The following FAM47E variants were observed in gnomAD, a reference collection of about 807,000 sequenced individuals.
FAM47E encodes family with sequence similarity 47 member E.
Under a neutral mutation model 41.6 loss-of-function variants are expected in FAM47E, and 32 were observed. The observed-to-expected ratio is 0.77, with a 90% CI of 0.58 to 1.03. The LOEUF is 1.03. Ranked by LOEUF, FAM47E falls within the 50% of genes least tolerant of loss-of-function variation. The pLI is 0.00. For synonymous variants in FAM47E, 184 were observed against 188.7 expected, an observed-to-expected ratio of 0.98 and a Z score of 0.20; for missense variants, 424 against 485.4, an observed-to-expected ratio of 0.87 and a Z score of 1.19.
Position 76,278,198 on chromosome 4 carries a change from A to C in FAM47E, c.1000A>C (p.Asn334His). 6.5e-7 allele frequency: 1 copy of C among 1,541,850 alleles called. No individual in the cohort carries two copies. Among genetic ancestry groups the C allele is most frequent in the Non-Finnish European group, 8.7e-7 (1 of 1,144,660 alleles). The change falls in exon 6 of 8, where the codon AAT becomes CAT. Residue 334 changes from asparagine (N) to histidine (H), a missense_variant. Coordinates refer to ENST00000424749, the MANE Select transcript of FAM47E (RefSeq NM_001136570.3). ...GGTCTCACATAAGGCTCAAGAGGAGAATTTTAAAAAGGAGCTGCAGGAACA... is the reference window on the plus strand; with the variant it reads ...GGTCTCACATAAGGCTCAAGAGGAGCATTTTAAAAAGGAGCTGCAGGAACA... ...PEVSHKAQEE[N>H]FKKELQEQEE...
At chr4:76,241,589 C>A (rs754720278) in intron 2 of FAM47E, among the ~76,000 whole-genome samples, 7 of 152,092 alleles carry the variant, frequency 4.6e-5, no homozygotes, top group Non-Finnish European at 8.8e-5. Flanking sequence ...CTGAAATTCA[C>A]TGAAATTAAC....
At chr4:76,226,525 G>A (rs564311988) in intron 2 of FAM47E, among the ~76,000 whole-genome samples, 8 of 152,274 alleles carry the variant, frequency 5.3e-5, no homozygotes, top group African/African-American at 1.9e-4. Flanking sequence ...TTATGCCCTG[G>A]ATTTAGATTG....
rs761862662 is a variant in FAM47E, at chr4:76,271,613, A to G, written c.715A>G (p.Ile239Val). The G allele has an allele frequency of 3.9e-6, 6 of 1,552,206 alleles. No homozygotes were observed. Among genetic ancestry groups the G allele is most frequent in the East Asian group, 4.9e-5 (2 of 40,926 alleles). Residue 239 changes from isoleucine (I) to valine (V), a missense_variant, in exon 5 of 8, where the codon ATT (isoleucine) becomes GTT (valine). Physicochemically the swap from Ile to Val is conservative, Grantham distance 29 (BLOSUM62 3). Coordinates refer to ENST00000424749, the MANE Select transcript of FAM47E (RefSeq NM_001136570.3). ...DEEFILKQFD[I>V]DYETKPSHDA... ...AGAGTTCATCTTGAAACAGTTTGAC[A>G]TTGACTATGAGACCAAACCAAGCCA...
intron 4 of FAM47E, 36 bp from the exon 5 acceptor site, chr4:76,271,532 A>G (rs1734888526): frequency 6.5e-7 from 1 of 1,549,048 alleles, no homozygotes; most frequent in Non-Finnish European, 8.7e-7. Flanking sequence ...CATTTCACCG[A>G]TTGCCCTCAA....
At chr4:76,226,463 A>G (rs542355193) in intron 2 of FAM47E, among the ~76,000 whole-genome samples, 22 of 152,326 alleles carry the variant, frequency 1.4e-4, no homozygotes, top group African/African-American at 5.1e-4. Context: ...TCCAGAGGCT[A>G]AGAGGGGTTT....
At chr4:76,238,470 C>T (rs1733633838) in intron 2 of FAM47E, among the ~76,000 whole-genome samples, 1 of 152,152 alleles carries the variant, frequency 6.6e-6, no homozygotes, top group South Asian at 2.1e-4. Flanking sequence ...TTTGTTTCCT[C>T]ATACTACATT....
At chr4:76,276,037 G>GACAGACACACACACAC (rs1553957135) in intron 5 of FAM47E, among the ~76,000 whole-genome samples, 10 of 62,348 alleles carry the variant, frequency 1.6e-4, no homozygotes, top group Non-Finnish European at 2.8e-4. Flanking sequence ...CAGACAGACA[G>GACAGACACACACACAC]ACACACACAC....
intron 2 of FAM47E, among the ~76,000 whole-genome samples, chr4:76,224,913 C>T (rs1399089697): frequency 6.6e-6 from 1 of 152,010 alleles, no homozygotes; most frequent in East Asian, 1.9e-4. Context: ...TCCTACCCTT[C>T]CCCCCAAGTC....
Position 76,256,518 on chromosome 4 carries a change from A to G in FAM47E, c.415A>G (p.Ile139Val), listed in dbSNP as rs1005224775. 7.1e-6 allele frequency: 11 copies of G among 1,548,004 alleles called. No individual in the cohort carries two copies. Among genetic ancestry groups the G allele is most frequent in the African/African-American group, 2.7e-5 (2 of 72,912 alleles). Residue 139 changes from isoleucine to valine, a missense_variant, in exon 2 of 8, where the codon ATA becomes GTA. Coordinates refer to ENST00000424749, the MANE Select transcript of FAM47E (RefSeq NM_001136570.3). The part of the protein sequence containing the change: ...LYLNLEEAMP[I>V]ELLSKVLEVL... ...CCTGAATCTGGAAGAAGCTATGCCCATAGAGGTGATGTGTCCTAGGGTTTG... is the reference window on the plus strand; with the variant it reads ...CCTGAATCTGGAAGAAGCTATGCCCGTAGAGGTGATGTGTCCTAGGGTTTG...
chr4:76,282,037 T>C (rs1183788352), intron 7 of FAM47E: 1 of 149,946 alleles, frequency 6.7e-6, no homozygotes, highest in African/African-American at 2.5e-5. Context: ...TTCTTTAACA[T>C]AACATTTGTA....
At chr4:76,272,563 G>A (rs1412192300) in intron 5 of FAM47E, among the ~76,000 whole-genome samples, 3 of 152,158 alleles carry the variant, frequency 2.0e-5, no homozygotes, top group Non-Finnish European at 4.4e-5. Flanking sequence ...CACACATTAT[G>A]TTTCTATCCT....
chr4:76,253,808 T>TAAA (rs11410378), intron 1 of FAM47E, among the ~76,000 whole-genome samples: 69 of 145,164 alleles, frequency 4.8e-4, no homozygotes, highest in Non-Finnish European at 6.6e-4. Context: ...TGTCTCGAAT[T>TAAA]AAAAAAAAAA....
upstream of FAM47E, among the ~76,000 whole-genome samples, chr4:76,249,132 G>A (rs1441821446): frequency 1.3e-5 from 2 of 152,066 alleles, no homozygotes; most frequent in Non-Finnish European, 2.9e-5. Flanking sequence ...GGAAGCTGAG[G>A]CAGGAGGATC....
chr4:76,249,885 G>A (rs1192596635), upstream of FAM47E, among the ~76,000 whole-genome samples: 1 of 151,862 alleles, frequency 6.6e-6, no homozygotes, highest in Admixed American at 6.6e-5. Flanking sequence ...TCCTTTTTAT[G>A]GCTGAATGTT....
At chr4:76,239,225 T>G (rs529387806) in intron 2 of FAM47E, among the ~76,000 whole-genome samples, 1 of 152,336 alleles carries the variant, frequency 6.6e-6, no homozygotes, top group African/African-American at 2.4e-5. Context: ...TCTTTGATAC[T>G]GCTATCACTT....
intron 2 of FAM47E, among the ~76,000 whole-genome samples, chr4:76,233,607 T>C (rs1733530573): frequency 1.3e-5 from 2 of 151,362 alleles, no homozygotes; most frequent in African/African-American, 2.4e-5. Flanking sequence ...CACACACATA[T>C]GTAACTGACA....
intron 2 of FAM47E, among the ~76,000 whole-genome samples, chr4:76,223,832 G>A (rs903943152): frequency 2.0e-5 from 3 of 150,960 alleles, no homozygotes; most frequent in Admixed American, 1.3e-4. Flanking sequence ...GAGTGTCCCT[G>A]GCCTGCTTTC....
chr4:76,262,767 T>C (rs569585516), intron 2 of FAM47E, among the ~76,000 whole-genome samples: 12 of 152,250 alleles, frequency 7.9e-5, no homozygotes. Context: ...TGATTGTTTT[T>C]TGTTTGTTTT....
At chr4:76,230,302 C>T (rs1001292169) in intron 2 of FAM47E, among the ~76,000 whole-genome samples, 2 of 152,028 alleles carry the variant, frequency 1.3e-5, no homozygotes, top group Non-Finnish European at 2.9e-5. Context: ...TGGGGGAAAG[C>T]CAGTAACAAT....
Sources: gnomAD v4.1 joint callset for allele counts (sites outside exome capture counted in the v4.1 genomes callset) on GRCh38, gnomAD v4.1.1 for gene constraint, MANE v1.5 for transcripts, NCBI Gene and HGNC (gene_info 2026-07-23, HGNC 2026-07-21) for gene names.